PDP2: variants seen among roughly 807,000 people sequenced by gnomAD.
The protein encoded by PDP2 is [Pyruvate dehydrogenase [acetyl-transferring]]-phosphatase 2, mitochondrial.
Under a neutral mutation model 34.2 loss-of-function variants are expected in PDP2, and 23 were observed. That is an observed-to-expected ratio of 0.67 (90% CI 0.48 to 0.95). The LOEUF (loss-of-function observed/expected upper bound fraction) is 0.95. PDP2 is among the 40% of genes least tolerant of loss of function. The pLI is 0.00. For missense variants in PDP2, 571 were observed against 659.6 expected, an observed-to-expected ratio of 0.87 and a Z score of 1.47; for synonymous variants, 275 against 269.2, an observed-to-expected ratio of 1.02 and a Z score of -0.21.
chr16:66,888,084 C>T lies in PDP2; in HGVS notation c.*2210C>T, dbSNP rs1420145783. 6.8e-6 allele frequency: 1 copy of T among 147,526 alleles called. No homozygotes were observed. Among genetic ancestry groups the T allele is most frequent in the Non-Finnish European group, 1.5e-5 (1 of 67,188 alleles). The allele number at this position is 147,526 out of a possible 1,614,324, so 9.1% of individuals were successfully genotyped here. A position where few individuals can be genotyped will look rare whatever the true frequency, so the allele number is the denominator to read the frequency against. ...TCTCTCTCTCTTTCTTTCTTTCTTT[C>T]CTTCTTGACAGGGTCTCCCTGTAGC... On this transcript the variant is annotated 3_prime_UTR_variant, in exon 2 of 2. Coordinates refer to ENST00000311765, the MANE Select transcript of PDP2 (RefSeq NM_020786.4).
rs775044517 is a variant in PDP2, at chr16:66,885,490, C to G, written c.1206C>G (p.Pro402=). 6.2e-7 allele frequency: 1 copy of G among 1,613,994 alleles called. No homozygotes were observed. The highest frequency in any genetic ancestry group is 8.5e-7 in the Non-Finnish European group (1 of 1,180,036). The change falls in exon 2 of 2, where the codon CCC becomes CCG. Residue 402 remains proline (P), a synonymous_variant. Coordinates refer to ENST00000311765, the MANE Select transcript of PDP2 (RefSeq NM_020786.4). The surrounding 1 kb of genome is among the most constrained non-coding windows in gnomAD (Gnocchi z 4.6). The part of the protein sequence containing the change: ...EPEVTYHRLR[P]QDKFLVLASD... ...AGGTCACATACCACAGGCTGAGGCC[C>G]CAGGATAAGTTCCTTGTGCTGGCCT... is the stretch of plus-strand genomic sequence containing the variant.
rs1001458185 is a variant in PDP2 at position 66,884,348 on chromosome 16, G to A, written c.64G>A (p.Gly22Arg). ...AAGGAACAGCATTGCCACATTGCAA[G>A]GGGGTAGACGCTTATACTCCAGGTA... ...STRNSIATLQ[G>R]GRRLYSRYVS... The change falls in exon 2 of 2, where the codon GGG (glycine) becomes AGG (arginine). Residue 22 changes from glycine to arginine, a missense_variant. Gly to Arg is a moderately radical substitution (Grantham distance 125). Coordinates refer to ENST00000311765, the MANE Select transcript of PDP2 (RefSeq NM_020786.4). 1 of 1,613,888 alleles carries A rather than the reference G, an allele frequency of 6.2e-7. No homozygotes were observed. The highest frequency in any genetic ancestry group is 1.7e-5 in the Admixed American group (1 of 59,992).
Position 66,891,061 on chromosome 16 carries a change from T to C in PDP2, c.*5187T>C, listed in dbSNP as rs1401613386. 1 of 152,188 alleles carries C rather than the reference T, an allele frequency of 6.6e-6. No individual in the cohort carries two copies. The highest frequency in any genetic ancestry group is 2.4e-5 in the African/African-American group (1 of 41,442). 9.4% of individuals were successfully genotyped at this position (152,188 alleles called of 1,614,324 possible). A position where few individuals can be genotyped will look rare whatever the true frequency, so the allele number is the denominator to read the frequency against. On this transcript the variant is annotated 3_prime_UTR_variant, in exon 2 of 2. Transcript: ENST00000311765. ...TATTTGACATTGATTTTCTAACCAT[T>C]AGAGATATTTAATTAAAACTTGGAA...
rs184769043 is a variant in PDP2 at position 66,885,704 on chromosome 16, C to T, written c.1420C>T (p.Leu474=). The change falls in exon 2 of 2, where the codon CTG becomes TTG. Residue 474 remains leucine, a synonymous_variant. Transcript: ENST00000311765. The surrounding 1 kb of genome is among the most constrained non-coding windows in gnomAD (Gnocchi z 4.6). ...HEADQNAATR[L]IRHAIGNNEY... is the part of the protein sequence containing the mutation. ...GGCTGACCAAAATGCAGCCACGCGG[C>T]TGATCAGACATGCCATCGGGAACAA... 1 of 1,614,042 alleles carries T rather than the reference C, an allele frequency of 6.2e-7. No homozygotes were observed.
rs761007554 is a variant in PDP2, at chr16:66,884,463, G to T, written c.179G>T (p.Cys60Phe). ...TCCCCATGTGGTGGCTTTACTCTGT[G>T]CAAAGCCTACAGACACACATCAACA... ...NSSPCGGFTL[C>F]KAYRHTSTEE... The change falls in exon 2 of 2, where the codon TGC becomes TTC. Residue 60 changes from cysteine (C) to phenylalanine (F), a missense_variant. Cys to Phe is a radical substitution (Grantham distance 205). Transcript: ENST00000311765. 1 of 1,614,172 alleles carries T rather than the reference G, an allele frequency of 6.2e-7. No homozygotes were observed.
At chr16:66,882,213 G>A (rs1279992929) in intron 1 of PDP2, among the ~76,000 whole-genome samples, 1 of 152,210 alleles carries the variant, frequency 6.6e-6, no homozygotes, top group African/African-American at 2.4e-5. Flanking sequence ...AGCACTTTGG[G>A]AGGCCAAGGG....
rs148882580 is a variant in PDP2 at position 66,885,806 on chromosome 16, G to A, written c.1522G>A (p.Asp508Asn). The stretch of plus-strand genomic sequence containing the variant: ...AGAGGACTTGGCGAGGATGTACAGG[G>A]ATGATATCACTGTCACTGTGGTGTA... ...LPEDLARMYR[D>N]DITVTVVYFN... Residue 508 changes from aspartate to asparagine, a missense_variant, in exon 2 of 2, where the codon GAT becomes AAT. Transcript: ENST00000311765. The surrounding 1 kb of genome is among the most constrained non-coding windows in gnomAD (Gnocchi z 4.6). 4 of 1,613,218 alleles carry A rather than the reference G, an allele frequency of 2.5e-6. No individual in the cohort carries two copies. Among genetic ancestry groups the A allele is most frequent in the Non-Finnish European group, 2.5e-6 (3 of 1,179,980 alleles).
At chr16:66,883,940 C>A (rs554778027) in intron 1 of PDP2, among the ~76,000 whole-genome samples, 1 of 151,868 alleles carries the variant, frequency 6.6e-6, no homozygotes, top group African/African-American at 2.4e-5. Flanking sequence ...TTTGGGAGGC[C>A]GAGGCAGGTG....
Position 66,884,666 on chromosome 16 carries a change from TC to T in PDP2, c.384del (p.Cys129AlafsTer7), listed in dbSNP as rs1019670169. The T allele has an allele frequency of 6.2e-7, 1 of 1,614,212 alleles. No individual in the cohort carries two copies. Among genetic ancestry groups the T allele is most frequent in the Non-Finnish European group, 8.5e-7 (1 of 1,180,040 alleles). ...SPVEDRRGVA[S>X]CLQTNGLMFG... ...AGTGGAGGACCGGCGAGGTGTAGCC[TC>T]CTGCCTGCAAACCAATGGACTGATG... On this transcript the variant is annotated frameshift_variant, in exon 2 of 2. Coordinates refer to ENST00000311765, the MANE Select transcript of PDP2 (RefSeq NM_020786.4). LOFTEE classifies it high-confidence loss of function.
In PDP2 at chr16:66,885,668, G is replaced by A. The variant is rs374606071; in HGVS notation, c.1384G>A (p.Gly462Arg). Residue 462 changes from glycine (G) to arginine (R), a missense_variant, in exon 2 of 2, where the codon GGG (glycine) becomes AGG (arginine). This residue lies in a region of PDP2 where 281 missense variants were observed against 375.8 expected (regional missense o/e 0.75). Transcript: ENST00000311765. The surrounding 1 kb of genome is among the most constrained non-coding windows in gnomAD (Gnocchi z 4.6). ...QSLLLQRKAS[G>R]LHEADQNAAT... ...CCTGCTGCTGCAGAGGAAAGCCAGC[G>A]GGCTCCACGAGGCTGACCAAAATGC... The A allele has an allele frequency of 1.3e-5, 21 of 1,614,048 alleles. No homozygotes were observed. Among genetic ancestry groups the A allele is most frequent in the Admixed American group, 1.7e-5 (1 of 60,024 alleles).
Position 66,885,072 on chromosome 16 carries a change from C to A in PDP2, c.788C>A (p.Ala263Asp). 1.2e-6 allele frequency: 2 copies of A among 1,613,964 alleles called. No individual in the cohort carries two copies. Residue 263 changes from alanine (A) to aspartate (D), a missense_variant, in exon 2 of 2, where the codon GCT becomes GAT. By Grantham distance (126) the Ala-to-Asp change is moderately radical. Transcript: ENST00000311765. The surrounding 1 kb of genome is among the most constrained non-coding windows in gnomAD (Gnocchi z 4.6). ...EVTRNLSLQVAFSGATACMAH... is the reference protein window; with the variant it reads ...EVTRNLSLQVDFSGATACMAH... ...ACAAGGAACCTGTCACTCCAGGTTG[C>A]TTTCTCTGGGGCAACAGCTTGCATG...
Position 66,885,313 on chromosome 16 carries a change from C to T in PDP2, c.1029C>T (p.Ile343=), listed in dbSNP as rs375660555. 47 of 1,613,928 alleles carry T rather than the reference C, an allele frequency of 2.9e-5. No individual in the cohort carries two copies. Among genetic ancestry groups the T allele is most frequent in the Non-Finnish European group, 3.7e-5 (44 of 1,179,946 alleles). Residue 343 remains isoleucine, a synonymous_variant, in exon 2 of 2, where the codon ATC becomes ATT. Coordinates refer to ENST00000311765, the MANE Select transcript of PDP2 (RefSeq NM_020786.4). The surrounding 1 kb of genome is among the most constrained non-coding windows in gnomAD (Gnocchi z 4.6). ...IMEDRLLGVL[I]PCRAFGDVQL... ...AGGACAGGCTACTGGGCGTCCTCATCCCCTGCAGGGCCTTTGGGGATGTTC... is the reference window on the plus strand; with the variant it reads ...AGGACAGGCTACTGGGCGTCCTCATTCCCTGCAGGGCCTTTGGGGATGTTC...
Position 66,884,520 on chromosome 16 carries a change from C to T in PDP2, c.236C>T (p.Pro79Leu). ...GATGATTTTCACTTGCAACTCAGCC[C>T]TGAGCAGATAAATGAAGTGCTTCGA... ...EEDDFHLQLS[P>L]EQINEVLRAG... The change falls in exon 2 of 2, where the codon CCT becomes CTT. Residue 79 changes from proline to leucine, a missense_variant. Pro to Leu is a moderately conservative substitution (Grantham distance 98). Transcript: ENST00000311765. The T allele has an allele frequency of 6.2e-7, 1 of 1,614,210 alleles. No individual in the cohort carries two copies. Among genetic ancestry groups the T allele is most frequent in the Non-Finnish European group, 8.5e-7 (1 of 1,180,048 alleles).
rs1961777614 is a variant in PDP2, at chr16:66,886,648, A to T, written c.*774A>T. 31 of 417,764 alleles carry T rather than the reference A, an allele frequency of 7.4e-5. 1 individual carries two copies. Among genetic ancestry groups the T allele is most frequent in the South Asian group, 5.2e-4 (31 of 59,918 alleles). 25.9% of individuals were successfully genotyped at this position (417,764 alleles called of 1,614,324 possible). A position where few individuals can be genotyped will look rare whatever the true frequency, so the allele number is the denominator to read the frequency against. On this transcript the variant is annotated 3_prime_UTR_variant, in exon 2 of 2. Transcript: ENST00000311765. Reference sequence around the variant, plus strand: ...GAAACTTTGAGCCATGCTAGGAGGTAACTAGTCTATGCCTTAACTCCTGAC... The same window carrying T: ...GAAACTTTGAGCCATGCTAGGAGGTTACTAGTCTATGCCTTAACTCCTGAC...
Position 66,887,060 on chromosome 16 carries a change from G to C in PDP2, c.*1186G>C, listed in dbSNP as rs1263350889. Reference sequence around the variant, plus strand: ...CAAGTTTCTCTGAATCCTTTCCTGAGAGGTGGTGGGCAGGAGGGAGGAGTG... The same window carrying C: ...CAAGTTTCTCTGAATCCTTTCCTGACAGGTGGTGGGCAGGAGGGAGGAGTG... On this transcript the variant is annotated 3_prime_UTR_variant, in exon 2 of 2. Transcript: ENST00000311765. 1 of 167,732 alleles carries C rather than the reference G, an allele frequency of 6.0e-6. No homozygotes were observed. Among genetic ancestry groups the C allele is most frequent in the African/African-American group, 2.4e-5 (1 of 41,462 alleles). The allele number at this position is 167,732 out of a possible 1,614,324, so 10.4% of individuals were successfully genotyped here. A position where few individuals can be genotyped will look rare whatever the true frequency, so the allele number is the denominator to read the frequency against.
In PDP2 at chr16:66,890,628, A is replaced by G. The variant is rs1269333959; in HGVS notation, c.*4754A>G. 1 of 152,238 alleles carries G rather than the reference A, an allele frequency of 6.6e-6. No individual in the cohort carries two copies. Among genetic ancestry groups the G allele is most frequent in the African/African-American group, 2.4e-5 (1 of 41,464 alleles). The allele number at this position is 152,238 out of a possible 1,614,324, so 9.4% of individuals were successfully genotyped here. A position where few individuals can be genotyped will look rare whatever the true frequency, so the allele number is the denominator to read the frequency against. ...AGTGACTCTGGCCTGACTCTTGTCCATCAGCCCCTAGTAGCCTATCTTCAG... is the reference window on the plus strand; with the variant it reads ...AGTGACTCTGGCCTGACTCTTGTCCGTCAGCCCCTAGTAGCCTATCTTCAG... On this transcript the variant is annotated 3_prime_UTR_variant, in exon 2 of 2. Coordinates refer to ENST00000311765, the MANE Select transcript of PDP2 (RefSeq NM_020786.4).
In PDP2 at chr16:66,884,427, C is replaced by A; in HGVS notation, c.143C>A (p.Thr48Asn). The change falls in exon 2 of 2, where the codon ACC (threonine) becomes AAC (asparagine). Residue 48 changes from threonine (T) to asparagine (N), a missense_variant. Thr to Asn is a moderately conservative substitution (Grantham distance 65). Transcript: ENST00000311765. ...AGGCTCTTTTCCCGGGTGCCACCCACCCTAAACAGTTCCCCATGTGGTGGC... is the reference window on the plus strand; with the variant it reads ...AGGCTCTTTTCCCGGGTGCCACCCAACCTAAACAGTTCCCCATGTGGTGGC... Reference protein sequence around the residue: ...KWRLFSRVPPTLNSSPCGGFT... With the variant: ...KWRLFSRVPPNLNSSPCGGFT... The A allele has an allele frequency of 6.2e-7, 1 of 1,614,146 alleles. No homozygotes were observed. The highest frequency in any genetic ancestry group is 1.3e-5 in the African/African-American group (1 of 75,020).
Position 66,885,181 on chromosome 16 carries a change from G to A in PDP2, c.897G>A (p.Met299Ile), listed in dbSNP as rs1961701988. 1 of 1,614,040 alleles carries A rather than the reference G, an allele frequency of 6.2e-7. No individual in the cohort carries two copies. ...AILGVQEDNG[M>I]WSCLPLTRDH... ...TTGGTGTCCAAGAGGACAATGGCATGTGGTCTTGTCTGCCCCTTACACGTG... is the reference window on the plus strand; with the variant it reads ...TTGGTGTCCAAGAGGACAATGGCATATGGTCTTGTCTGCCCCTTACACGTG... Residue 299 changes from methionine (M) to isoleucine (I), a missense_variant, in exon 2 of 2, where the codon ATG becomes ATA. Physicochemically the swap from Met to Ile is conservative, Grantham distance 10 (BLOSUM62 1). This residue lies in a region of PDP2 where 281 missense variants were observed against 375.8 expected (regional missense o/e 0.75). Transcript: ENST00000311765. The surrounding 1 kb of genome is among the most constrained non-coding windows in gnomAD (Gnocchi z 4.6).
rs894093973 is a variant in PDP2, at chr16:66,885,870, G to A, written c.1586G>A (p.Gly529Asp). 1 of 1,593,496 alleles carries A rather than the reference G, an allele frequency of 6.3e-7. No individual in the cohort carries two copies. Among genetic ancestry groups the A allele is most frequent in the Non-Finnish European group, 8.6e-7 (1 of 1,165,560 alleles). Residue 529 changes from glycine (G) to aspartate (D), a missense_variant, in exon 2 of 2, where the codon GGT (glycine) becomes GAT (aspartate). Physicochemically the swap from Gly to Asp is moderately conservative, Grantham distance 94. This residue lies in a region of PDP2 where 281 missense variants were observed against 375.8 expected (regional missense o/e 0.75). Coordinates refer to ENST00000311765, the MANE Select transcript of PDP2 (RefSeq NM_020786.4). This position sits in a 1 kb window ranked among gnomAD's most constrained non-coding sequence, Gnocchi z 4.6. ...SESIGAYYKG[G>D] The stretch of plus-strand genomic sequence containing the variant: ...TCAATCGGTGCATATTACAAGGGGG[G>A]TTAAGAATCTCCCATCCTATTGTCA...
Sources: allele counts gnomAD v4.1 joint callset (sites outside exome capture counted in the v4.1 genomes callset), GRCh38; gene constraint gnomAD v4.1.1; regional missense constraint gnomAD v4.1.1; non-coding constraint Gnocchi (gnomAD v3.1); transcripts MANE v1.5; gene names NCBI Gene and HGNC (gene_info 2026-07-23, HGNC 2026-07-21).